GNA14: variants seen among roughly 807,000 people sequenced by gnomAD.
The protein encoded by GNA14 is G protein subunit alpha 14.
GNA14 carries 50 observed loss-of-function variants against 42.0 expected under a neutral mutation model. That is an observed-to-expected ratio of 1.19 (90% confidence interval 0.95 to 1.51). The LOEUF (loss-of-function observed/expected upper bound fraction) is 1.51, where lower values mean the gene tolerates loss of function less well. Among genes scored for constraint, GNA14 ranks in the 40% most tolerant of loss-of-function variants. The pLI, the probability that GNA14 is intolerant of heterozygous loss-of-function variation, is 0.00. For synonymous variants in GNA14, 173 were observed against 163.1 expected (o/e 1.06, Z -0.46); for missense variants, 473 against 446.2 (o/e 1.06, Z -0.54).
chr9:77,539,849 T>C (rs975083686), intron 1 of GNA14, among the ~76,000 whole-genome samples: 3 of 152,178 alleles, frequency 2.0e-5, no homozygotes, highest in African/African-American at 7.2e-5. Context: ...GTCTCCTTTT[T>C]GATTTCTGAT....
At chr9:77,582,814 A>G (rs1344494082) in intron 1 of GNA14, among the ~76,000 whole-genome samples, 2 of 152,088 alleles carry the variant, frequency 1.3e-5, no homozygotes, top group Admixed American at 6.6e-5. Context: ...GTATATCTGT[A>G]TTTGCCACAA....
chr9:77,637,818 G>A (rs1824206499), intron 1 of GNA14, among the ~76,000 whole-genome samples: 1 of 152,182 alleles, frequency 6.6e-6, no homozygotes, highest in Non-Finnish European at 1.5e-5. Flanking sequence ...AAGAAAAATT[G>A]TTTTTGTTGT....
chr9:77,458,130 C>A (rs1836038298), intron 2 of GNA14, among the ~76,000 whole-genome samples: 1 of 152,178 alleles, frequency 6.6e-6, no homozygotes, highest in Admixed American at 6.5e-5. Context: ...TCCCAAGGGC[C>A]TGCTTATTAA....
At chr9:77,631,643 T>C (rs1019311520) in intron 1 of GNA14, among the ~76,000 whole-genome samples, 1 of 151,566 alleles carries the variant, frequency 6.6e-6, no homozygotes, top group Admixed American at 6.6e-5. Flanking sequence ...TAGCAAAAAG[T>C]AAAATAAAAC....
intron 2 of GNA14, among the ~76,000 whole-genome samples, chr9:77,442,106 T>C (rs896566751): frequency 1.3e-5 from 2 of 152,218 alleles, no homozygotes; most frequent in Non-Finnish European, 1.5e-5. Flanking sequence ...GTGCAGTGGC[T>C]CATGCCTATA....
At chr9:77,628,589 C>T (rs1394041817) in intron 1 of GNA14, among the ~76,000 whole-genome samples, 1 of 152,116 alleles carries the variant, frequency 6.6e-6, no homozygotes, top group Non-Finnish European at 1.5e-5. Flanking sequence ...CACTACACAT[C>T]TAGAGCCATC....
At position 77,641,347 on chromosome 9, in the gene GNA14, G is replaced by A. The variant is rs79776511; in HGVS notation, c.124+6323C>T. Reference sequence around the variant, plus strand: ...GCAGGGTATTTACTAGCCTTATAAAGTGTCTCTCCACAAAATTATGATACA... The same window carrying A: ...GCAGGGTATTTACTAGCCTTATAAAATGTCTCTCCACAAAATTATGATACA... On this transcript the variant is annotated intron_variant, in intron 1 of 6. Coordinates refer to ENST00000341700, the MANE Select transcript of GNA14 (RefSeq NM_004297.4). Among the ~76,000 whole-genome samples, 784 of 151,782 alleles carry A rather than the reference G, an allele frequency of 5.2e-3. 2 individuals are homozygous for A. Among genetic ancestry groups the A allele is most frequent in the African/African-American group, 0.018 (729 of 41,340 alleles).
intron 2 of GNA14, among the ~76,000 whole-genome samples, chr9:77,442,877 A>G (rs1042739123): frequency 1.3e-5 from 2 of 152,262 alleles, no homozygotes; most frequent in African/African-American, 4.8e-5. Context: ...AAGATCTGCC[A>G]TGCAAACACT....
intron 1 of GNA14, among the ~76,000 whole-genome samples, chr9:77,615,414 G>A (rs1387144974): frequency 6.6e-6 from 1 of 152,000 alleles, no homozygotes; most frequent in African/African-American, 2.4e-5. Flanking sequence ...ATTTGGCAAA[G>A]TCCTGAGGAG....
chr9:77,565,153 A>C (rs1035856935), intron 1 of GNA14, among the ~76,000 whole-genome samples: 5 of 152,166 alleles, frequency 3.3e-5, no homozygotes, highest in Non-Finnish European at 5.9e-5. Context: ...GTAGTACTTG[A>C]AAGTATTTCT....
intron 2 of GNA14, among the ~76,000 whole-genome samples, chr9:77,482,704 G>C (rs942229814): frequency 2.0e-5 from 3 of 152,194 alleles, no homozygotes; most frequent in Non-Finnish European, 4.4e-5. Flanking sequence ...ATCAGACCTA[G>C]ATTTGGTCTT....
At chr9:77,636,603 G>A (rs1049650230) in intron 1 of GNA14, among the ~76,000 whole-genome samples, 1 of 152,144 alleles carries the variant, frequency 6.6e-6, no homozygotes, top group African/African-American at 2.4e-5. Context: ...CTTGGGGGAA[G>A]GTGAAGGAGA....
intron 2 of GNA14, among the ~76,000 whole-genome samples, chr9:77,484,138 A>G (rs1381218505): frequency 6.6e-6 from 1 of 152,236 alleles, no homozygotes; most frequent in Non-Finnish European, 1.5e-5. Context: ...GGAACACAGT[A>G]AAGAGGTAAA....
At chr9:77,584,934 G>A (rs571934280) in intron 1 of GNA14, among the ~76,000 whole-genome samples, 1 of 152,068 alleles carries the variant, frequency 6.6e-6, no homozygotes, top group Non-Finnish European at 1.5e-5. Flanking sequence ...ACAATCAGAG[G>A]TCACTCATGG....
chr9:77,486,020 G>A (rs892743394), intron 2 of GNA14, among the ~76,000 whole-genome samples: 1 of 152,164 alleles, frequency 6.6e-6, no homozygotes, highest in African/African-American at 2.4e-5. Context: ...GAGTCAGCCT[G>A]TCCTTTGAAG....
At chr9:77,562,960 A>G (rs1822907082) in intron 1 of GNA14, among the ~76,000 whole-genome samples, 1 of 152,150 alleles carries the variant, frequency 6.6e-6, no homozygotes, top group Non-Finnish European at 1.5e-5. Context: ...CCCAGCCAGC[A>G]TTAGATCCCA....
intron 1 of GNA14, among the ~76,000 whole-genome samples, chr9:77,602,520 C>A (rs952962791): frequency 2.6e-5 from 4 of 152,074 alleles, no homozygotes; most frequent in African/African-American, 9.7e-5. Context: ...CCCGACCCAC[C>A]CCTGGGAGAG....
intron 2 of GNA14, among the ~76,000 whole-genome samples, chr9:77,528,076 G>A (rs1352714860): frequency 5.8e-4 from 88 of 152,192 alleles, no homozygotes; most frequent in Non-Finnish European, 1.0e-4. Flanking sequence ...CTGAAATTTG[G>A]TGCCTACTGT....
intron 2 of GNA14, among the ~76,000 whole-genome samples, chr9:77,477,447 G>A (rs965440327): frequency 1.3e-5 from 2 of 152,202 alleles, no homozygotes; most frequent in Non-Finnish European, 2.9e-5. Context: ...CTGAGAATAT[G>A]GCAGCCAGAG....
Sources: allele counts gnomAD v4.1 joint callset (sites outside exome capture counted in the v4.1 genomes callset), GRCh38; gene constraint gnomAD v4.1.1; transcripts MANE v1.5; gene names NCBI Gene and HGNC (gene_info 2026-07-23, HGNC 2026-07-21).